MYO10: variants seen among roughly 807,000 people sequenced by gnomAD.
MYO10 encodes myosin X.
In MYO10, 133 loss-of-function variants were observed where a neutral mutation model predicts 257.3. That is an observed-to-expected ratio of 0.52 (90% CI 0.45 to 0.60). The LOEUF is 0.60. Among genes scored for constraint, MYO10 ranks in the 20% least tolerant of loss-of-function variants. The probability of loss-of-function intolerance (pLI) is 0.00; values close to 1 mark genes in which losing one functional copy is unlikely to be tolerated. For missense variants in MYO10, 2,399 were observed against 2,635.7 expected, an observed-to-expected ratio of 0.91 and a Z score of 1.97; for synonymous variants, 1,104 against 1,028.6, an observed-to-expected ratio of 1.07 and a Z score of -1.40.
At chr5:16,825,243 T>G (rs1024917680) in intron 2 of MYO10, among the ~76,000 whole-genome samples, 1 of 152,192 alleles carries the variant, frequency 6.6e-6, no homozygotes. Flanking sequence ...AAGACACCAG[T>G]GGTCTTGCCC....
At chr5:16,874,344 CGGGG>C (rs61697249) in intron 2 of MYO10, among the ~76,000 whole-genome samples, 777 of 28,484 alleles carry the variant, frequency 0.027, 36 homozygotes, top group African/African-American at 0.066. Flanking sequence ...AAAAAAAAAG[CGGGG>C]GGGGGGGGGG....
chr5:16,899,854 C>G (rs1233667608), intron 1 of MYO10, among the ~76,000 whole-genome samples: 3 of 150,622 alleles, frequency 2.0e-5, no homozygotes, highest in African/African-American at 7.3e-5. Flanking sequence ...AAAAATTAGC[C>G]AAGAGAGGTG....
intron 4 of MYO10, among the ~76,000 whole-genome samples, chr5:16,793,332 A>G (rs1479820464): frequency 6.6e-6 from 1 of 152,114 alleles, no homozygotes; most frequent in Non-Finnish European, 1.5e-5. Context: ...AATTTTATTT[A>G]TTTATTTATT....
intron 4 of MYO10, among the ~76,000 whole-genome samples, chr5:16,791,170 T>C (rs1337295627): frequency 1.3e-5 from 2 of 152,116 alleles, no homozygotes; most frequent in African/African-American, 2.4e-5. Context: ...AACAGGCTTA[T>C]TTTCTCAAGC....
intron 1 of MYO10, among the ~76,000 whole-genome samples, chr5:16,909,055 G>A (rs1745587645): frequency 1.3e-5 from 2 of 152,190 alleles, no homozygotes; most frequent in African/African-American, 4.8e-5. Flanking sequence ...AGAAATACCT[G>A]AGACTGGGTA....
intron 1 of MYO10, among the ~76,000 whole-genome samples, chr5:16,933,054 C>T (rs1004720849): frequency 2.6e-5 from 4 of 152,176 alleles, no homozygotes; most frequent in South Asian, 2.1e-4. Context: ...CCACCGCACC[C>T]GGCCAAATCC....
chr5:16,835,525 T>C (rs945943695), intron 2 of MYO10, among the ~76,000 whole-genome samples: 1 of 126,198 alleles, frequency 7.9e-6, no homozygotes, highest in Non-Finnish European at 1.6e-5. Context: ...TGGTGAGATA[T>C]GTACAAAGAC....
chr5:16,895,155 C>A (rs1443709362), intron 1 of MYO10, among the ~76,000 whole-genome samples: 1 of 152,190 alleles, frequency 6.6e-6, no homozygotes, highest in Non-Finnish European at 1.5e-5. Context: ...TTAAAAGAAC[C>A]ACACAGTAGA....
In MYO10 at chr5:16,747,316, G is replaced by A. The variant is rs145522959; in HGVS notation, c.1929+7512C>T. 5.9e-5 allele frequency among the ~76,000 whole-genome samples: 9 copies of A among 152,216 alleles called. No individual in the cohort carries two copies. The East Asian group carries it at 1.7e-3, about 29-fold the overall frequency. On this transcript the variant is annotated intron_variant, in intron 19 of 40. Coordinates refer to ENST00000513610, the MANE Select transcript of MYO10 (RefSeq NM_012334.3). The stretch of plus-strand genomic sequence containing the variant: ...AAAGATGATCAGAAGAGAAAAGCAT[G>A]CCAAAAATAAAATAAATCAACTAAA...
At chr5:16,812,083 GC>G (rs933720225) in intron 3 of MYO10, among the ~76,000 whole-genome samples, 1 of 152,194 alleles carries the variant, frequency 6.6e-6, no homozygotes, top group Non-Finnish European at 1.5e-5. Context: ...TCAGGAGAGA[GC>G]CAACCCCCTC....
chr5:16,812,730 G>A (rs1742477731), intron 3 of MYO10, among the ~76,000 whole-genome samples: 1 of 152,148 alleles, frequency 6.6e-6, no homozygotes, highest in East Asian at 1.9e-4. Context: ...AGGTACAAAG[G>A]TTAAAGTTCC....
At chr5:16,897,007 AAGGC>A (rs1388000277) in intron 1 of MYO10, among the ~76,000 whole-genome samples, 1 of 152,098 alleles carries the variant, frequency 6.6e-6, no homozygotes, top group Non-Finnish European at 1.5e-5. Flanking sequence ...CAGAAGGAAG[AAGGC>A]AGGCAGGCAG....
chr5:16,797,078 T>C (rs1741993738), intron 3 of MYO10, among the ~76,000 whole-genome samples: 1 of 152,202 alleles, frequency 6.6e-6, no homozygotes, highest in Non-Finnish European at 1.5e-5. Context: ...ATTCATAGTA[T>C]CAGCCAGGAA....
chr5:16,749,439 A>G (rs1034629953), intron 19 of MYO10, among the ~76,000 whole-genome samples: 14 of 149,642 alleles, frequency 9.4e-5, no homozygotes, highest in Non-Finnish European at 1.9e-4. Context: ...GTGAACTGAG[A>G]TTGCGCCACT....
In MYO10 at chr5:16,682,802, AT is replaced by A. The variant is rs201314472; in HGVS notation, c.4047-790del. 7.4e-3 allele frequency among the ~76,000 whole-genome samples: 1,120 copies of A among 151,032 alleles called. 5 individuals carry two copies. The highest frequency in any genetic ancestry group is 0.01 in the Non-Finnish European group (686 of 67,636). On this transcript the variant is annotated intron_variant, in intron 30 of 40. Coordinates refer to ENST00000513610, the MANE Select transcript of MYO10 (RefSeq NM_012334.3). ...TTGAGGTGCCCCTTAAAAATAAAAA[AT>A]AAAAAAAGCCTTTTTCTATAGTTGG...
At chr5:16,673,076 C>T (rs1422852707) in intron 36 of MYO10, among the ~76,000 whole-genome samples, 4 of 152,146 alleles carry the variant, frequency 2.6e-5, no homozygotes, top group African/African-American at 9.7e-5. Flanking sequence ...GAGGCAGATG[C>T]TGGGCTGATT....
At chr5:16,761,591 G>T in intron 16 of MYO10, 45 bp from the exon 17 acceptor site, 2 of 1,418,502 alleles carry the variant, frequency 1.4e-6, no homozygotes, top group Non-Finnish European at 9.9e-7. Context: ...TGAAAGAATA[G>T]TTTCAGGTCA....
At chr5:16,680,496 C>T (rs1736942808) in intron 32 of MYO10, among the ~76,000 whole-genome samples, 1 of 152,148 alleles carries the variant, frequency 6.6e-6, no homozygotes. Flanking sequence ...CTTTCTTTAG[C>T]CTCTCCCTTC....
chr5:16,677,193 T>C (rs180855239), intron 33 of MYO10, among the ~76,000 whole-genome samples: 36 of 152,316 alleles, frequency 2.4e-4, no homozygotes, highest in African/African-American at 8.7e-4. Context: ...AATCATTCTA[T>C]CGTGGTAATT....
Sources: gnomAD v4.1 joint callset for allele counts (sites outside exome capture counted in the v4.1 genomes callset) on GRCh38, gnomAD v4.1.1 for gene constraint, MANE v1.5 for transcripts, NCBI Gene and HGNC (gene_info 2026-07-23, HGNC 2026-07-21) for gene names.